The following DIP2A variants were observed in gnomAD, a reference collection of about 807,000 sequenced individuals.
DIP2A encodes the protein disco-interacting protein 2 homolog A.
A neutral mutation model predicts 177.4 loss-of-function variants in DIP2A; 85 were observed. The ratio of observed to expected loss-of-function variants is 0.48; its 90% confidence interval spans 0.40 to 0.57. DIP2A has a LOEUF of 0.57. DIP2A is among the 20% of genes least tolerant of loss of function. The pLI, the probability that DIP2A is intolerant of heterozygous loss-of-function variation, is 0.00. For missense variants in DIP2A, 1,791 were observed against 2,100.2 expected (o/e 0.85, Z 2.88); for synonymous variants, 886 against 881.8 (o/e 1.00, Z -0.08).
chr21:46,556,484 C>T lies in DIP2A; in HGVS notation c.3498+393C>T. 1.2e-6 allele frequency: 1 copy of T among 836,820 alleles called. No homozygotes were observed. The highest frequency in any genetic ancestry group is 1.7e-6 in the Non-Finnish European group (1 of 581,322). 51.8% of individuals were successfully genotyped at this position (836,820 alleles called of 1,614,324 possible). A position where few individuals can be genotyped will look rare whatever the true frequency, so the allele number is the denominator to read the frequency against. ...GGATCACAAGATCAAGAGATGGAGA[C>T]CATCCTGGCCAACGTGGTGAAACCC... is the stretch of plus-strand genomic sequence containing the variant. On this transcript the variant is annotated intron_variant, in intron 29 of 37. Coordinates refer to ENST00000417564, the MANE Select transcript of DIP2A (RefSeq NM_015151.4). The surrounding 1 kb of genome is among the most constrained non-coding windows in gnomAD (Gnocchi z 4.5).
chr21:46,521,115 C>T (rs1018525250), intron 8 of DIP2A, among the ~76,000 whole-genome samples: 1 of 152,170 alleles, frequency 6.6e-6, no homozygotes, highest in Admixed American at 6.5e-5. Flanking sequence ...CTTAGCTTTC[C>T]AAATAATCTG....
intron 5 of DIP2A, among the ~76,000 whole-genome samples, chr21:46,499,531 C>G (rs963274760): frequency 2.8e-4 from 43 of 152,180 alleles, no homozygotes; most frequent in African/African-American, 1.0e-3. Context: ...CCTCCAGATA[C>G]CAGGTTAGAC....
At chr21:46,546,305 A>G in intron 20 of DIP2A, 1 of 1,068,170 alleles carries the variant, frequency 9.4e-7, no homozygotes, top group Non-Finnish European at 1.1e-6. Context: ...TTCTATTTGT[A>G]ACATCTTGGC....
intron 1 of DIP2A, among the ~76,000 whole-genome samples, chr21:46,475,817 C>T (rs933316559): frequency 1.3e-5 from 2 of 152,198 alleles, no homozygotes; most frequent in Admixed American, 6.5e-5. Context: ...GGTATTTTAT[C>T]ATTTAATTGC....
intron 8 of DIP2A, among the ~76,000 whole-genome samples, 181 bp from the exon 9 acceptor site, chr21:46,528,911 T>C (rs987039045): frequency 1.3e-5 from 2 of 152,170 alleles, no homozygotes; most frequent in African/African-American, 4.8e-5. Context: ...CTGTAAGCTA[T>C]TTTTAAGAGA....
chr21:46,490,145 C>T (rs2056925412), intron 2 of DIP2A, among the ~76,000 whole-genome samples: 1 of 152,214 alleles, frequency 6.6e-6, no homozygotes, highest in South Asian at 2.1e-4. Flanking sequence ...CAGAGGGCTA[C>T]TGGTGGACCC....
At chr21:46,512,196 T>G (rs1261188639) in intron 8 of DIP2A, among the ~76,000 whole-genome samples, 3 of 152,208 alleles carry the variant, frequency 2.0e-5, no homozygotes, top group Non-Finnish European at 4.4e-5. Context: ...ATACTGGAAC[T>G]TACTTACACA....
chr21:46,573,691 C>CATGCA (rs2060980020), downstream of DIP2A, among the ~76,000 whole-genome samples: 1 of 97,172 alleles, frequency 1.0e-5, no homozygotes, highest in African/African-American at 3.9e-5. Context: ...AAAGATATTC[C>CATGCA]ATGCAAATAG....
At chr21:46,459,357 C>T (rs2054072592) in intron 1 of DIP2A, 135 bp downstream of exon 1, 1 of 695,836 alleles carries the variant, frequency 1.4e-6, no homozygotes, top group Non-Finnish European at 2.2e-6. Flanking sequence ...CCCACGCGGC[C>T]TCGCCCCTGG....
rs376414534 is a variant in DIP2A at position 46,556,944 on chromosome 21, G to A, written c.3504G>A (p.Ser1168=). Residue 1168 remains serine, a synonymous_variant, in exon 30 of 38, where the codon TCG becomes TCA. Transcript: ENST00000417564. The surrounding 1 kb of genome is among the most constrained non-coding windows in gnomAD (Gnocchi z 4.5). Reference sequence around the variant, plus strand: ...AACTTTATTTTACTCTTAAGATGTCGCACGCGGCCACAAGCGCCTTATGCC... The same window carrying A: ...AACTTTATTTTACTCTTAAGATGTCACACGCGGCCACAAGCGCCTTATGCC... ...TTGILAGVKM[S]HAATSALCRS... 2.6e-5 allele frequency: 41 copies of A among 1,560,282 alleles called. No individual in the cohort carries two copies. The highest frequency in any genetic ancestry group is 6.8e-5 in the African/African-American group (5 of 73,302).
chr21:46,545,619 A>G (rs2059998495), intron 19 of DIP2A, among the ~76,000 whole-genome samples: 1 of 152,160 alleles, frequency 6.6e-6, no homozygotes, highest in South Asian at 2.1e-4. Context: ...CATTGTTGTG[A>G]TGTGAGTTGT....
intron 27 of DIP2A, 36 bp from the exon 28 acceptor site, chr21:46,554,786 G>GCCCCCCCC: frequency 1.3e-6 from 2 of 1,519,128 alleles, no homozygotes; most frequent in Admixed American, 2.0e-5. Context: ...AGCTTGAGAG[G>GCCCCCCCC]CCCCGCCCAC....
intron 1 of DIP2A, among the ~76,000 whole-genome samples, chr21:46,465,513 G>A (rs2054744331): frequency 6.6e-6 from 1 of 152,210 alleles, no homozygotes; most frequent in Admixed American, 6.5e-5. Flanking sequence ...GGCAGAGGGA[G>A]ACTATTTTTA....
intron 28 of DIP2A, chr21:46,555,371 C>T: frequency 4.4e-6 from 1 of 228,518 alleles, no homozygotes; most frequent in East Asian, 1.0e-4. Flanking sequence ...TGGCTCCCCT[C>T]TGCCGTGGAC....
intron 2 of DIP2A, among the ~76,000 whole-genome samples, chr21:46,485,541 G>A (rs73372032): frequency 0.019 from 2,888 of 152,180 alleles, 103 homozygotes; most frequent in African/African-American, 0.066. Flanking sequence ...AGATGTATTA[G>A]GCCTAAATGT....
At position 46,509,342 on chromosome 21, in the gene DIP2A, G is replaced by A; in HGVS notation, c.870G>A (p.Glu290=). The A allele has an allele frequency of 6.2e-7, 1 of 1,612,864 alleles. No individual in the cohort carries two copies. The highest frequency in any genetic ancestry group is 8.5e-7 in the Non-Finnish European group (1 of 1,179,546). ...GGCCAAAGCGCCCTCCACTGAAGGA[G>A]TTCTTTGTGGATGATTTTGAGGAAT... ...LKRPKRPPLK[E]FFVDDFEELL... The change falls in exon 7 of 38, where the codon GAG becomes GAA. Residue 290 remains glutamate (E), a synonymous_variant. Coordinates refer to ENST00000417564, the MANE Select transcript of DIP2A (RefSeq NM_015151.4).
intron 32 of DIP2A, among the ~76,000 whole-genome samples, chr21:46,559,888 T>C (rs16979385): frequency 0.049 from 7,470 of 152,262 alleles, 605 homozygotes; most frequent in African/African-American, 0.17. Flanking sequence ...TTGACCTTGT[T>C]GGTGCCTCTG....
In DIP2A at chr21:46,545,789, C is replaced by T. The variant is rs113175520; in HGVS notation, c.2314-92C>T. 5.1e-3 allele frequency: 7,314 copies of T among 1,436,840 alleles called. 81 individuals carry two copies. Among genetic ancestry groups the T allele is most frequent in the Middle Eastern group, 0.031 (174 of 5,606 alleles). 89.0% of individuals were successfully genotyped at this position (1,436,840 alleles called of 1,614,324 possible). On this transcript the variant is annotated intron_variant, in intron 19 of 37. Transcript: ENST00000417564. ...TTTCCCCCTGGCCAGCAGGCGCACA[C>T]GTGGTGCTGAGCCTCCTGCCGCCTG... is the stretch of plus-strand genomic sequence containing the variant.
intron 7 of DIP2A, among the ~76,000 whole-genome samples, chr21:46,510,302 A>G (rs1189951103): frequency 3.3e-5 from 5 of 152,178 alleles, no homozygotes; most frequent in Admixed American, 3.3e-4. Context: ...CTGGCAGCTG[A>G]TTAAACTGTG....
Sources: allele counts gnomAD v4.1 joint callset (sites outside exome capture counted in the v4.1 genomes callset), GRCh38; gene constraint gnomAD v4.1.1; non-coding constraint Gnocchi (gnomAD v3.1); transcripts MANE v1.5; gene names NCBI Gene and HGNC (gene_info 2026-07-23, HGNC 2026-07-21).